Variants in HYDIN observed in about 807,000 individuals in gnomAD.
HYDIN encodes the protein HYDIN axonemal central pair apparatus protein.
HYDIN carries 132 observed loss-of-function variants against 403.9 expected under a neutral mutation model. That is an observed-to-expected ratio of 0.33 (90% CI 0.28 to 0.38). The LOEUF is 0.38. Ranked by LOEUF, HYDIN falls within the 10% of genes least tolerant of loss-of-function variation. The pLI is 1.00. For synonymous variants in HYDIN, 1,202 were observed against 1,891.7 expected (o/e 0.64, Z 9.46); for missense variants, 2,827 against 5,009.5 (o/e 0.56, Z 13.15).
chr16:70,991,909 A>G (rs2079365222), intron 24 of HYDIN, among the ~76,000 whole-genome samples, 161 bp downstream of exon 24: 1 of 152,116 alleles, frequency 6.6e-6, no homozygotes, highest in South Asian at 2.1e-4. Flanking sequence ...CCCTCTCCCT[A>G]TCCCAGATGT....
intron 53 of HYDIN, among the ~76,000 whole-genome samples, chr16:70,897,281 G>A (rs2076231889): frequency 6.6e-6 from 1 of 152,132 alleles, no homozygotes; most frequent in Non-Finnish European, 1.5e-5. Flanking sequence ...AGTGGGGGAA[G>A]CTCTCCTGGG....
chr16:70,958,128 C>T (rs1204693065), intron 39 of HYDIN, among the ~76,000 whole-genome samples: 1 of 152,078 alleles, frequency 6.6e-6, no homozygotes, highest in Non-Finnish European at 1.5e-5. Context: ...AATCCCCTCT[C>T]TGAGGTCAGC....
At chr16:70,869,733 G>A (rs2039986563) in intron 65 of HYDIN, among the ~76,000 whole-genome samples, 1 of 149,602 alleles carries the variant, frequency 6.7e-6, no homozygotes, top group Non-Finnish European at 1.5e-5. Flanking sequence ...GTCTTTATCA[G>A]CAACGTGAAA....
At chr16:71,211,492 A>C (rs937122578) in intron 1 of HYDIN, among the ~76,000 whole-genome samples, 1 of 152,074 alleles carries the variant, frequency 6.6e-6, no homozygotes, top group South Asian at 2.1e-4. Context: ...TACAAAAAAA[A>C]TTAGCCGGGC....
chr16:71,070,609 G>A (rs1303337528), intron 13 of HYDIN, among the ~76,000 whole-genome samples: 8 of 134,368 alleles, frequency 6.0e-5, no homozygotes, highest in South Asian at 2.5e-4. Flanking sequence ...GATTACAGGC[G>A]TGAGCAACAG....
intron 23 of HYDIN, among the ~76,000 whole-genome samples, chr16:70,996,176 C>T (rs2079526477): frequency 6.6e-6 from 1 of 152,074 alleles, no homozygotes; most frequent in South Asian, 2.1e-4. Context: ...ATCACATCTT[C>T]CCCTAGTTTT....
At chr16:71,065,729 G>T (rs2082242578) in intron 15 of HYDIN, among the ~76,000 whole-genome samples, 1 of 152,108 alleles carries the variant, frequency 6.6e-6, no homozygotes, top group Non-Finnish European at 1.5e-5. Context: ...TCTTCTTAGG[G>T]TGCTGGAAGG....
intron 1 of HYDIN, among the ~76,000 whole-genome samples, chr16:71,206,888 A>G (rs966900690): frequency 3.3e-5 from 5 of 152,206 alleles, no homozygotes; most frequent in African/African-American, 7.2e-5. Flanking sequence ...AACAGAATAA[A>G]AATGAATGAA....
chr16:70,960,085 G>A (rs2078365873), intron 38 of HYDIN, among the ~76,000 whole-genome samples: 1 of 152,034 alleles, frequency 6.6e-6, no homozygotes, highest in Non-Finnish European at 1.5e-5. Flanking sequence ...AAGTAGAAAG[G>A]ACATTTGTGT....
At chr16:70,834,997 C>CATATATGTGTGTAT (rs2037314377) in intron 78 of HYDIN, among the ~76,000 whole-genome samples, 2 of 139,148 alleles carry the variant, frequency 1.4e-5, no homozygotes, top group Admixed American at 7.1e-5. Context: ...TATATACACA[C>CATATATGTGTGTAT]ATATATATAT....
intron 1 of HYDIN, among the ~76,000 whole-genome samples, chr16:71,217,950 T>C (rs766650591): frequency 2.6e-5 from 4 of 152,140 alleles, no homozygotes; most frequent in Non-Finnish European, 4.4e-5. Flanking sequence ...CCTGAATTTG[T>C]TGTAATAGGG....
intron 50 of HYDIN, among the ~76,000 whole-genome samples, chr16:70,906,985 C>T: frequency 6.6e-6 from 1 of 152,228 alleles, no homozygotes; most frequent in East Asian, 1.9e-4. Context: ...CAGGCAATCT[C>T]ATCTACGTCT....
At chr16:70,834,274 G>T (rs1247621203) in intron 78 of HYDIN, 110 bp from the exon 79 acceptor site, 1 of 652,186 alleles carries the variant, frequency 1.5e-6, no homozygotes, top group Non-Finnish European at 2.7e-6. Flanking sequence ...TCTCACTCCT[G>T]CTCTCCCATC....
intron 23 of HYDIN, among the ~76,000 whole-genome samples, chr16:70,998,975 A>C (rs1363027105): frequency 6.6e-6 from 1 of 152,216 alleles, no homozygotes; most frequent in Non-Finnish European, 1.5e-5. Context: ...TATGGAAAGC[A>C]GCCTCCCCTA....
intron 58 of HYDIN, among the ~76,000 whole-genome samples, chr16:70,887,535 C>A (rs936177356): frequency 9.9e-5 from 15 of 152,024 alleles, no homozygotes; most frequent in African/African-American, 3.6e-4. Flanking sequence ...CCTTCCAACA[C>A]CTTGATTTTA....
At chr16:70,988,910 T>C (rs554898009) in intron 25 of HYDIN, among the ~76,000 whole-genome samples, 20 of 151,208 alleles carry the variant, frequency 1.3e-4, no homozygotes, top group African/African-American at 2.4e-4. Context: ...GAGATTTGCA[T>C]TGGCAAATAG....
intron 75 of HYDIN, among the ~76,000 whole-genome samples, chr16:70,849,405 T>C (rs1247974389): frequency 6.6e-6 from 1 of 152,146 alleles, no homozygotes; most frequent in Admixed American, 6.5e-5. Context: ...CCTGCTGACA[T>C]CACCATTCTT....
chr16:70,941,689 G>A lies in HYDIN; in HGVS notation c.6800C>T (p.Ala2267Val). The A allele has an allele frequency of 6.3e-7, 1 of 1,591,248 alleles. No individual in the cohort carries two copies. Among genetic ancestry groups the A allele is most frequent in the East Asian group, 2.3e-5 (1 of 43,122 alleles). ...SREHIYILNM[A>V]QDYAAMKAQE... is the part of the protein sequence containing the mutation. ...GGCCTTCATGGCTGCGTAATCCTGG[G>A]CCATGTTGAGAATGTATATATGCTC... is the stretch of plus-strand genomic sequence containing the variant. The change falls in exon 43 of 86, where the codon GCC (alanine) becomes GTC (valine). Residue 2267 changes from alanine to valine, a missense_variant. Physicochemically the swap from Ala to Val is moderately conservative, Grantham distance 64. Coordinates refer to ENST00000393567, the MANE Select transcript of HYDIN (RefSeq NM_001270974.2).
chr16:71,153,142 G>C (rs2085608394), intron 6 of HYDIN, among the ~76,000 whole-genome samples: 2 of 145,930 alleles, frequency 1.4e-5, no homozygotes, highest in African/African-American at 5.6e-5. Flanking sequence ...CAAACACTGA[G>C]ATTGCTGTAA....
Sources: gnomAD v4.1 joint callset for allele counts (sites outside exome capture counted in the v4.1 genomes callset) on GRCh38, gnomAD v4.1.1 for gene constraint, MANE v1.5 for transcripts, NCBI Gene and HGNC (gene_info 2026-07-23, HGNC 2026-07-21) for gene names.